ZNF774: variants seen among roughly 807,000 people sequenced by gnomAD.
The protein encoded by ZNF774 is zinc finger protein 774.
A neutral mutation model predicts 11.1 loss-of-function variants in ZNF774; 14 were observed. The observed-to-expected ratio is 1.26, with a 90% CI of 0.83 to 1.97. ZNF774 has a LOEUF of 1.97. ZNF774 is among the 30% of genes most tolerant of loss of function. ZNF774 has a pLI of 0.00. For missense variants in ZNF774, 599 were observed against 587.0 expected (o/e 1.02, Z -0.21); for synonymous variants, 195 against 212.6 (o/e 0.92, Z 0.72).
In ZNF774 at chr15:90,355,500, G is replaced by A. The variant is rs564262702; in HGVS notation, c.104+736G>A. ...AGCACTTTGGTAGGCTGAGGTGGGC[G>A]GATCATAAGGTCAGGAGTTCGAGAC... is the stretch of plus-strand genomic sequence containing the variant. On this transcript the variant is annotated intron_variant, in intron 2 of 3. Coordinates refer to ENST00000354377, the MANE Select transcript of ZNF774 (RefSeq NM_001004309.3). The A allele has an allele frequency of 4.5e-4, 201 of 451,164 alleles. 1 individual carries two copies. The highest frequency in any genetic ancestry group is 2.6e-3 in the South Asian group (164 of 64,304). The allele number at this position is 451,164 out of a possible 1,614,324, so 27.9% of individuals were successfully genotyped here. A position where few individuals can be genotyped will look rare whatever the true frequency, so the allele number is the denominator to read the frequency against.
In ZNF774 at chr15:90,354,753, G is replaced by A. The variant is rs1254447033; in HGVS notation, c.93G>A (p.Trp31Ter). ...QECHPAQLEE[W>*]ALKGISRPSV... is the part of the protein sequence containing the mutation. ...GCCACCCAGCACAGTTAGAAGAATG[G>A]GCTCTCAAAGGGTAAGAATGCTACT... Residue 31 changes from tryptophan to a stop codon, truncating the protein, a stop_gained, in exon 2 of 4, where the codon TGG (tryptophan) becomes TGA (stop). Transcript: ENST00000354377. LOFTEE classifies it high-confidence loss of function. The A allele has an allele frequency of 6.2e-7, 1 of 1,610,652 alleles. No homozygotes were observed.
chr15:90,354,469 T>C, intron 1 of ZNF774, 173 bp from the exon 2 acceptor site: 1 of 572,436 alleles, frequency 1.7e-6, no homozygotes, highest in East Asian at 3.0e-5. Flanking sequence ...AGAAGACGTA[T>C]GTAAAAACAG....
chr15:90,362,599 G>A lies in ZNF774; in HGVS notation c.*1316G>A. On this transcript the variant is annotated 3_prime_UTR_variant, in exon 4 of 4. Coordinates refer to ENST00000354377, the MANE Select transcript of ZNF774 (RefSeq NM_001004309.3). ...CTACATTCAATTGAAATAAATTGAG[G>A]GACGGCAAGTGTGTTGGAAAGAACA... The A allele has an allele frequency of 6.5e-7, 1 of 1,533,604 alleles. No homozygotes were observed. Among genetic ancestry groups the A allele is most frequent in the East Asian group, 2.4e-5 (1 of 40,892 alleles). 95.0% of individuals were successfully genotyped at this position (1,533,604 alleles called of 1,614,324 possible). A position where few individuals can be genotyped will look rare whatever the true frequency, so the allele number is the denominator to read the frequency against.
Position 90,361,203 on chromosome 15 carries a change from C to G in ZNF774, c.1372C>G (p.Pro458Ala). The G allele has an allele frequency of 6.2e-7, 1 of 1,614,148 alleles. No individual in the cohort carries two copies. Among genetic ancestry groups the G allele is most frequent in the African/African-American group, 1.3e-5 (1 of 75,056 alleles). Residue 458 changes from proline (P) to alanine (A), a missense_variant, in exon 4 of 4, where the codon CCT (proline) becomes GCT (alanine). Physicochemically the swap from Pro to Ala is conservative, Grantham distance 27 (BLOSUM62 -1). Coordinates refer to ENST00000354377, the MANE Select transcript of ZNF774 (RefSeq NM_001004309.3). ...THQRTHTGEK[P>A]FHCSKCNKSF... The stretch of plus-strand genomic sequence containing the variant: ...CCAGAGAACGCATACAGGAGAAAAA[C>G]CTTTCCACTGTAGTAAATGTAACAA...
intron 1 of ZNF774, among the ~76,000 whole-genome samples, chr15:90,353,149 T>C (rs1239677128): frequency 6.6e-6 from 1 of 152,042 alleles, no homozygotes; most frequent in Non-Finnish European, 1.5e-5. Context: ...GTATTCTTAG[T>C]AGAGACAGGG....
intron 3 of ZNF774, among the ~76,000 whole-genome samples, chr15:90,359,289 G>T (rs8030289): frequency 0.066 from 9,899 of 149,494 alleles, 1,027 homozygotes; most frequent in African/African-American, 0.23. Flanking sequence ...AGCCAGGATG[G>T]TCTCGATCTC....
chr15:90,360,172 G>A lies in ZNF774; in HGVS notation c.341G>A (p.Gly114Asp), dbSNP rs768989516. 3 of 1,614,188 alleles carry A rather than the reference G, an allele frequency of 1.9e-6. No individual in the cohort carries two copies. Among genetic ancestry groups the A allele is most frequent in the Non-Finnish European group, 2.5e-6 (3 of 1,180,042 alleles). The change falls in exon 4 of 4, where the codon GGC becomes GAC. Residue 114 changes from glycine (G) to aspartate (D), a missense_variant. Coordinates refer to ENST00000354377, the MANE Select transcript of ZNF774 (RefSeq NM_001004309.3). ...AGTTGGGGAGGAAACTGGGAGCAAG[G>A]CCTAGAATTAGAAGGGCAACATGGA... Reference protein sequence around the residue: ...TLSWGGNWEQGLELEGQHGTL... With the variant: ...TLSWGGNWEQDLELEGQHGTL...
rs8042825 is a variant in ZNF774 at position 90,354,653 on chromosome 15, G to C, written c.-8G>C. On this transcript the variant is annotated 5_prime_UTR_variant, in exon 2 of 4. Transcript: ENST00000354377. ...GTCTCTTGCTTTAGGAACTGATGAC[G>C]CTTGATAATGTGGCTGGGGACTTCA... 0.22 allele frequency: 346,569 copies of C among 1,598,386 alleles called. 39,938 individuals are homozygous for C. The highest frequency in any genetic ancestry group is 0.4 in the African/African-American group (29,657 of 74,672).
At chr15:90,358,269 G>A (rs548881554) in intron 2 of ZNF774, among the ~76,000 whole-genome samples, 9 of 152,186 alleles carry the variant, frequency 5.9e-5, no homozygotes, top group Non-Finnish European at 1.0e-4. Flanking sequence ...TAAGAGGCAG[G>A]ATGATGACTC....
In ZNF774 at chr15:90,360,531, C is replaced by CATAG; in HGVS notation, c.700_701insATAG (p.Pro234HisfsTer4). 1 of 1,613,848 alleles carries CATAG rather than the reference C, an allele frequency of 6.2e-7. No homozygotes were observed. Among genetic ancestry groups the CATAG allele is most frequent in the South Asian group, 1.1e-5 (1 of 91,070 alleles). ...TCAGAGAACCCACACAGGGGAGAGA[C>CATAG]CCTATGAGTGCCCAGAGTGTGGAAA... On this transcript the variant is annotated frameshift_variant, in exon 4 of 4. Coordinates refer to ENST00000354377, the MANE Select transcript of ZNF774 (RefSeq NM_001004309.3). LOFTEE classifies it low-confidence loss of function (END_TRUNC).
intron 2 of ZNF774, among the ~76,000 whole-genome samples, chr15:90,355,721 T>TAAA (rs1385921676): frequency 3.2e-5 from 1 of 30,950 alleles, no homozygotes; most frequent in Admixed American, 4.2e-4. Flanking sequence ...AGACTCTGTC[T>TAAA]CAAAAAAAAA....
chr15:90,357,162 T>C (rs535634691), intron 2 of ZNF774, among the ~76,000 whole-genome samples: 1 of 152,330 alleles, frequency 6.6e-6, no homozygotes, highest in Non-Finnish European at 1.5e-5. Flanking sequence ...AAACATTATA[T>C]GAAAGTGCGC....
Position 90,360,581 on chromosome 15 carries a change from C to T in ZNF774, c.750C>T (p.Leu250=). The change falls in exon 4 of 4, where the codon CTC becomes CTT. Residue 250 remains leucine (L), a synonymous_variant. Transcript: ENST00000354377. ...CGKTFGRKPH[L]IMHQRTHTGE... The stretch of plus-strand genomic sequence containing the variant: ...AGACTTTTGGGCGGAAGCCACACCT[C>T]ATAATGCACCAAAGAACCCACACAG... 6.2e-7 allele frequency: 1 copy of T among 1,613,978 alleles called. No homozygotes were observed. The highest frequency in any genetic ancestry group is 8.5e-7 in the Non-Finnish European group (1 of 1,179,988).
intron 3 of ZNF774, among the ~76,000 whole-genome samples, chr15:90,359,696 C>A (rs1237687191): frequency 2.0e-5 from 3 of 152,086 alleles, no homozygotes; most frequent in African/African-American, 7.2e-5. Flanking sequence ...CTCAAGTGAT[C>A]TGCCTGCCTC....
In ZNF774 at chr15:90,358,831, A is replaced by G. The variant is rs370029318; in HGVS notation, c.105-20A>G. On this transcript the variant is annotated intron_variant, in intron 2 of 3. Coordinates refer to ENST00000354377, the MANE Select transcript of ZNF774 (RefSeq NM_001004309.3). The stretch of plus-strand genomic sequence containing the variant: ...TGTGATTGGCTCAGACTCACATCCT[A>G]TGTTTACATTCCTGTGTAGAATTTC... The G allele has an allele frequency of 1.7e-4, 278 of 1,605,184 alleles. 3 individuals carry two copies. The highest frequency in any genetic ancestry group is 2.2e-4 in the Non-Finnish European group (260 of 1,173,326).
chr15:90,358,956 A>G lies in ZNF774; in HGVS notation c.210A>G (p.Thr70=). Residue 70 remains threonine, a splice_region_variant and synonymous_variant, in exon 3 of 4, where the codon ACA becomes ACG. Coordinates refer to ENST00000354377, the MANE Select transcript of ZNF774 (RefSeq NM_001004309.3). ...EARKIPRESH[T]DCEHQVAKLN... is the part of the protein sequence containing the mutation. ...GGAAGATCCCGAGGGAAAGCCACAC[A>G]GGTGAGATGTGAGTGCTCCCCAGTG... 1 of 1,611,586 alleles carries G rather than the reference A, an allele frequency of 6.2e-7. No homozygotes were observed.
At chr15:90,357,806 A>G (rs984932662) in intron 2 of ZNF774, among the ~76,000 whole-genome samples, 52 of 152,184 alleles carry the variant, frequency 3.4e-4, no homozygotes, top group African/African-American at 1.2e-3. Flanking sequence ...TCCTGGCCTC[A>G]CAAGTGATCC....
intron 1 of ZNF774, among the ~76,000 whole-genome samples, chr15:90,353,780 T>C (rs1421740626): frequency 6.6e-6 from 1 of 152,066 alleles, no homozygotes; most frequent in Non-Finnish European, 1.5e-5. Context: ...AAGTTCTTTG[T>C]AGAGAAAGAG....
chr15:90,359,061 ATTTT>A (rs758679594), intron 3 of ZNF774, 104 bp downstream of exon 3: 2,041 of 393,948 alleles, frequency 5.2e-3, no homozygotes, highest in East Asian at 9.3e-3. Flanking sequence ...ACTAGCAGAC[ATTTT>A]TTTTTTTTTT....
Sources: allele counts gnomAD v4.1 joint callset (sites outside exome capture counted in the v4.1 genomes callset), GRCh38; gene constraint gnomAD v4.1.1; transcripts MANE v1.5; gene names NCBI Gene and HGNC (gene_info 2026-07-23, HGNC 2026-07-21).